FAT1: variants seen among roughly 807,000 people sequenced by gnomAD.
The protein encoded by FAT1 is protocadherin Fat 1.
FAT1 carries 171 observed loss-of-function variants against 329.8 expected under a neutral mutation model. The ratio of observed to expected loss-of-function variants is 0.52; its 90% confidence interval spans 0.46 to 0.59. FAT1 has a LOEUF of 0.59. Among genes scored for constraint, FAT1 ranks in the 20% least tolerant of loss-of-function variants. The probability of loss-of-function intolerance (pLI) is 0.00; values close to 1 mark genes in which losing one functional copy is unlikely to be tolerated. For missense variants in FAT1, 5,672 were observed against 5,774.4 expected, an observed-to-expected ratio of 0.98 and a Z score of 0.57; for synonymous variants, 2,233 against 2,228.6, an observed-to-expected ratio of 1.00 and a Z score of -0.06.
intron 1 of FAT1, among the ~76,000 whole-genome samples, chr4:186,718,107 C>G (rs1304761507): frequency 6.6e-6 from 1 of 152,110 alleles, no homozygotes; most frequent in Non-Finnish European, 1.5e-5. Context: ...TTCGGTCAAC[C>G]CTTCACTAAA....
At position 186,628,773 on chromosome 4, in the gene FAT1, A is replaced by G. The variant is rs1466139237; in HGVS notation, c.4324-10T>C. 8 of 1,606,422 alleles carry G rather than the reference A, an allele frequency of 5.0e-6. No individual in the cohort carries two copies. The Admixed American group carries it at 1.2e-4, about 24-fold the overall frequency. On this transcript the variant is annotated splice_polypyrimidine_tract_variant and intron_variant, in intron 7 of 26. Coordinates refer to ENST00000441802, the MANE Select transcript of FAT1 (RefSeq NM_005245.4). ...TTACTTTGATGAATACCTGTAATGG[A>G]TGACAAAATGACTCATACAATATTT... is the stretch of plus-strand genomic sequence containing the variant.
chr4:186,619,864 G>A lies in FAT1; in HGVS notation c.6722C>T (p.Pro2241Leu), dbSNP rs1739941819. Reference protein sequence around the residue: ...FNTGVINVIAPLDFEAHPAYK... With the variant: ...FNTGVINVIALLDFEAHPAYK... The stretch of plus-strand genomic sequence containing the variant: ...TGCCGGGTGGGCCTCAAAGTCCAGA[G>A]GAGCTATGACATTGATAACTCCAGT... Residue 2241 changes from proline (P) to leucine (L), a missense_variant, in exon 10 of 27, where the codon CCT (proline) becomes CTT (leucine). Physicochemically the swap from Pro to Leu is moderately conservative, Grantham distance 98. This residue lies in a region of FAT1 where 3,966 missense variants were observed against 3,915.2 expected (regional missense o/e 1.01). Transcript: ENST00000441802. 1 of 1,613,994 alleles carries A rather than the reference G, an allele frequency of 6.2e-7. No individual in the cohort carries two copies. Among genetic ancestry groups the A allele is most frequent in the Non-Finnish European group, 8.5e-7 (1 of 1,179,898 alleles).
At position 186,663,411 on chromosome 4, in the gene FAT1, T is replaced by C; in HGVS notation, c.3468A>G (p.Val1156=). Residue 1156 remains valine (V), a synonymous_variant, in exon 3 of 27, where the codon GTA becomes GTG. Transcript: ENST00000441802. ...CAAATGCCTCGATCTGGACCACAGA[T>C]ACATCTTTAGGAGAATTTTCCATGA... ...PEIMENSPKD[V]SVVQIEAFDP... 2 of 1,614,042 alleles carry C rather than the reference T, an allele frequency of 1.2e-6. No individual in the cohort carries two copies. The highest frequency in any genetic ancestry group is 1.7e-6 in the Non-Finnish European group (2 of 1,179,896).
upstream of FAT1, among the ~76,000 whole-genome samples, chr4:186,726,104 C>T (rs771532038): frequency 6.8e-4 from 103 of 152,340 alleles, no homozygotes; most frequent in Admixed American, 4.0e-3. Flanking sequence ...AAATAATGCA[C>T]AAACAGCATC....
At chr4:186,608,234 C>T (rs1739236131) in intron 16 of FAT1, among the ~76,000 whole-genome samples, 2 of 152,180 alleles carry the variant, frequency 1.3e-5, no homozygotes, top group African/African-American at 2.4e-5. Context: ...TCCACTGGTG[C>T]TCAAGTCCTT....
At position 186,588,551 on chromosome 4, in the gene FAT1, C is replaced by G. The variant is rs758760787; in HGVS notation, c.*41G>C. ...ACAGCGCGGATTACTCACATCACCT[C>G]TAGGTTCACTAAAGTCAGGCACTTT... On this transcript the variant is annotated 3_prime_UTR_variant, in exon 27 of 27. Transcript: ENST00000441802. 3 of 1,579,702 alleles carry G rather than the reference C, an allele frequency of 1.9e-6. No individual in the cohort carries two copies. The highest frequency in any genetic ancestry group is 2.6e-6 in the Non-Finnish European group (3 of 1,164,788).
intron 2 of FAT1, among the ~76,000 whole-genome samples, chr4:186,700,498 A>G (rs1744255137): frequency 6.6e-6 from 1 of 152,192 alleles, no homozygotes; most frequent in Admixed American, 6.5e-5. Context: ...TGTCATTCAG[A>G]GTAAAAATGC....
At chr4:186,710,747 C>T (rs546164977) in intron 1 of FAT1, among the ~76,000 whole-genome samples, 1 of 152,230 alleles carries the variant, frequency 6.6e-6, no homozygotes, top group South Asian at 2.1e-4. Context: ...GAGAAGATGA[C>T]ACACACACAC....
At chr4:186,723,037 A>G (rs1343935201) in intron 1 of FAT1, among the ~76,000 whole-genome samples, 1 of 152,244 alleles carries the variant, frequency 6.6e-6, no homozygotes, top group East Asian at 1.9e-4. Context: ...TGGCTCTCTA[A>G]AAGAAAGCAT....
chr4:186,674,800 G>T (rs965712552), intron 2 of FAT1, among the ~76,000 whole-genome samples: 6 of 152,230 alleles, frequency 3.9e-5, no homozygotes, highest in Non-Finnish European at 1.5e-5. Flanking sequence ...TTGGAAGGCT[G>T]AGGTGGGTGG....
At chr4:186,713,895 C>T (rs1745087166) in intron 1 of FAT1, among the ~76,000 whole-genome samples, 1 of 152,162 alleles carries the variant, frequency 6.6e-6, no homozygotes, top group Admixed American at 6.5e-5. Flanking sequence ...CCACGTTGCC[C>T]AGGCTGGTCT....
At chr4:186,651,064 A>ATTAAATAATTTAT (rs1560966761) in intron 3 of FAT1, among the ~76,000 whole-genome samples, 49 of 149,166 alleles carry the variant, frequency 3.3e-4, no homozygotes, top group Middle Eastern at 3.6e-3. Context: ...TAATTTATTT[A>ATTAAATAATTTAT]TTATTAATAA....
chr4:186,661,329 C>G (rs2126612644), intron 3 of FAT1, among the ~76,000 whole-genome samples: 1 of 152,322 alleles, frequency 6.6e-6, no homozygotes, highest in South Asian at 2.1e-4. Flanking sequence ...CAGAGAGGGT[C>G]CCGCTCCATA....
intron 2 of FAT1, 147 bp from the exon 3 acceptor site, chr4:186,663,760 G>C (rs1742299491): frequency 3.3e-6 from 2 of 613,066 alleles, no homozygotes; most frequent in African/African-American, 3.7e-5. Context: ...GCCTTTCTGT[G>C]ACTCAGCTTC....
intron 20 of FAT1, 118 bp downstream of exon 20, chr4:186,602,785 G>T: frequency 1.8e-6 from 2 of 1,121,738 alleles, no homozygotes; most frequent in Non-Finnish European, 2.5e-6. Flanking sequence ...CTCCACATCT[G>T]TCTTCTTACA....
At chr4:186,604,265 T>A (rs1738982700) in intron 18 of FAT1, 112 bp downstream of exon 18, 1 of 916,596 alleles carries the variant, frequency 1.1e-6, no homozygotes, top group Non-Finnish European at 1.6e-6. Context: ...AGCAATTCTA[T>A]GAAAGTTTGT....
chr4:186,622,456 C>T (rs764114585), intron 9 of FAT1, among the ~76,000 whole-genome samples: 25 of 152,138 alleles, frequency 1.6e-4, no homozygotes, highest in Non-Finnish European at 3.1e-4. Flanking sequence ...GTGCTCCTGG[C>T]GTCTCGTGGG....
At chr4:186,607,203 T>A (rs111503616) in intron 16 of FAT1, among the ~76,000 whole-genome samples, 20 of 152,340 alleles carry the variant, frequency 1.3e-4, no homozygotes, top group African/African-American at 4.3e-4. Context: ...TTCTGAAATT[T>A]CATTCTTAAT....
intron 2 of FAT1, among the ~76,000 whole-genome samples, chr4:186,681,522 T>C (rs141665896): frequency 1.3e-4 from 20 of 152,246 alleles, no homozygotes; most frequent in African/African-American, 4.8e-4. Context: ...TAGAATCACT[T>C]ATTGTAGAGC....
Sources: gnomAD v4.1 joint callset for allele counts (sites outside exome capture counted in the v4.1 genomes callset) on GRCh38, gnomAD v4.1.1 for gene constraint, gnomAD v4.1.1 regional missense constraint, MANE v1.5 for transcripts, NCBI Gene and HGNC (gene_info 2026-07-23, HGNC 2026-07-21) for gene names.